RTN1: variants seen among roughly 807,000 people sequenced by gnomAD.
The protein encoded by RTN1 is reticulon 1.
RTN1 carries 25 observed loss-of-function variants against 65.5 expected under a neutral mutation model. The ratio of observed to expected loss-of-function variants is 0.38; its 90% CI spans 0.28 to 0.53. The LOEUF (loss-of-function observed/expected upper bound fraction) is 0.53. Among genes scored for constraint, RTN1 ranks in the 20% least tolerant of loss-of-function variants. RTN1 has a pLI of 0.79. For missense variants in RTN1, 983 were observed against 1,025.4 expected (o/e 0.96, Z 0.57); for synonymous variants, 471 against 447.6 (o/e 1.05, Z -0.66).
intron 1 of RTN1, among the ~76,000 whole-genome samples, chr14:59,750,864 C>G (rs999961587): frequency 6.8e-6 from 1 of 147,690 alleles, no homozygotes; most frequent in Non-Finnish European, 1.5e-5. Flanking sequence ...CAGGCATGCA[C>G]CAGCATGACT....
chr14:59,726,721 G>A (rs534735910), intron 3 of RTN1, among the ~76,000 whole-genome samples, 198 bp downstream of exon 3: 23 of 152,120 alleles, frequency 1.5e-4, no homozygotes, highest in Non-Finnish European at 2.9e-4. Context: ...CTGAGCACGC[G>A]GTTCTGCCAC....
intron 1 of RTN1, among the ~76,000 whole-genome samples, chr14:59,822,523 G>A (rs557663174): frequency 6.6e-6 from 1 of 152,236 alleles, no homozygotes; most frequent in South Asian, 2.1e-4. Flanking sequence ...GTTCTGCTCT[G>A]ACTTTGGTTA....
At chr14:59,858,472 G>GTTT (rs71111672) in intron 1 of RTN1, among the ~76,000 whole-genome samples, 3 of 143,304 alleles carry the variant, frequency 2.1e-5, no homozygotes, top group Non-Finnish European at 4.6e-5. Context: ...TTCAAGAGTA[G>GTTT]TTTTTTTTTT....
chr14:59,749,160 C>CTATCTATCTA (rs1885304562), intron 1 of RTN1, among the ~76,000 whole-genome samples: 1 of 55,246 alleles, frequency 1.8e-5, no homozygotes, highest in Admixed American at 2.4e-4. Context: ...CTATCTATAT[C>CTATCTATCTA]TATCTATATA....
intron 3 of RTN1, among the ~76,000 whole-genome samples, chr14:59,702,884 A>C (rs1320253283): frequency 6.6e-6 from 1 of 151,980 alleles, no homozygotes; most frequent in Non-Finnish European, 1.5e-5. Context: ...CCTCCTTTCC[A>C]ATGACTCTCC....
chr14:59,762,034 C>T (rs1053060051), intron 1 of RTN1, among the ~76,000 whole-genome samples: 8 of 151,914 alleles, frequency 5.3e-5, no homozygotes, highest in African/African-American at 1.2e-4. Context: ...TATGGCATGC[C>T]GTGGTGTGGC....
At chr14:59,749,398 A>C (rs1298794880) in intron 1 of RTN1, among the ~76,000 whole-genome samples, 6 of 70,760 alleles carry the variant, frequency 8.5e-5, no homozygotes, top group Non-Finnish European at 1.3e-4. Flanking sequence ...ATATATCTAT[A>C]TATATCTATA....
intron 1 of RTN1, among the ~76,000 whole-genome samples, chr14:59,770,378 CAAA>C (rs774086177): frequency 2.8e-3 from 149 of 53,726 alleles, no homozygotes; most frequent in Non-Finnish European, 3.7e-3. Flanking sequence ...AACTCTGCCT[CAAA>C]AAAAAAAAAA....
chr14:59,808,567 A>G (rs1594751328), intron 1 of RTN1, among the ~76,000 whole-genome samples: 3 of 152,150 alleles, frequency 2.0e-5, no homozygotes, highest in Non-Finnish European at 4.4e-5. Flanking sequence ...CAGGGCTAGG[A>G]ACTCTGAAGA....
At chr14:59,663,974 C>G (rs1017786885) in intron 3 of RTN1, among the ~76,000 whole-genome samples, 1 of 152,074 alleles carries the variant, frequency 6.6e-6, no homozygotes, top group Non-Finnish European at 1.5e-5. Context: ...TGAGTATATA[C>G]CCAAAGGATT....
At chr14:59,745,120 A>G (rs1271968736) in intron 2 of RTN1, among the ~76,000 whole-genome samples, 1 of 152,156 alleles carries the variant, frequency 6.6e-6, no homozygotes, top group Non-Finnish European at 1.5e-5. Flanking sequence ...TGAGCATAGC[A>G]TGTTAGCATG....
rs575433658 is a variant in RTN1 at position 59,662,173 on chromosome 14, T to A, written c.1766-54681A>T. ...CCAGCTTTCTTTTTTCTTTTTTTTT[T>A]ATTATACTTTAAGTTCTAGGGTACA... On this transcript the variant is annotated intron_variant, in intron 3 of 8. Coordinates refer to ENST00000267484, the MANE Select transcript of RTN1 (RefSeq NM_021136.3). 1.1e-4 allele frequency among the ~76,000 whole-genome samples: 17 copies of A among 151,366 alleles called. No homozygotes were observed. The South Asian group carries it at 1.7e-3, about 15-fold the overall frequency.
At position 59,836,672 on chromosome 14, in the gene RTN1, G is replaced by A. The variant is rs919565044; in HGVS notation, c.241+33718C>T. ...AATCCAGAATGACAGGGCAAAGGGT[G>A]TGTTGGGGAGTAGTGAGAGAGAAGG... On this transcript the variant is annotated intron_variant, in intron 1 of 8. Coordinates refer to ENST00000267484, the MANE Select transcript of RTN1 (RefSeq NM_021136.3). The surrounding 1 kb of genome is among the most constrained non-coding windows in gnomAD (Gnocchi z 4.9). Among the ~76,000 whole-genome samples the A allele has an allele frequency of 6.6e-6, 1 of 152,164 alleles. No individual in the cohort carries two copies. Among genetic ancestry groups the A allele is most frequent in the Non-Finnish European group, 1.5e-5 (1 of 68,024 alleles).
chr14:59,716,743 G>A (rs931321083), intron 3 of RTN1, among the ~76,000 whole-genome samples: 13 of 151,430 alleles, frequency 8.6e-5, no homozygotes, highest in African/African-American at 2.9e-4. Context: ...GGATCACGAG[G>A]TCAGGAGATC....
intron 3 of RTN1, among the ~76,000 whole-genome samples, chr14:59,652,764 C>T (rs754678562): frequency 1.2e-4 from 18 of 151,864 alleles, no homozygotes; most frequent in Non-Finnish European, 2.6e-4. Context: ...GTAAGATAAG[C>T]TTAGCTATAT....
At position 59,749,318 on chromosome 14, in the gene RTN1, A is replaced by C. The variant is rs866320489; in HGVS notation, c.242-2837T>G. On this transcript the variant is annotated intron_variant, in intron 1 of 8. Coordinates refer to ENST00000267484, the MANE Select transcript of RTN1 (RefSeq NM_021136.3). The stretch of plus-strand genomic sequence containing the variant: ...TATATCTATATATATCTATATATAT[A>C]TCTATATATCTATATATATCTATAT... 2.7e-4 allele frequency among the ~76,000 whole-genome samples: 15 copies of C among 54,794 alleles called. 3 individuals are homozygous for C. Among genetic ancestry groups the C allele is most frequent in the East Asian group, 2.3e-3 (5 of 2,160 alleles). The allele number at this position is 54,794 out of a possible 152,430, so 35.9% of individuals were successfully genotyped here.
intron 1 of RTN1, among the ~76,000 whole-genome samples, chr14:59,750,236 ATATT>A (rs1277879686): frequency 1.0e-3 from 76 of 75,530 alleles, no homozygotes; most frequent in Middle Eastern, 0.015. Context: ...TATAATATAT[ATATT>A]ATATCTATAA....
rs1200861724 is a variant in RTN1, at chr14:59,668,688, T to A, written c.1765+58231A>T. Among the ~76,000 whole-genome samples the A allele has an allele frequency of 2.0e-5, 3 of 152,066 alleles. No individual in the cohort carries two copies. In the East Asian group the frequency reaches 5.8e-4, roughly 29 times the overall value. ...GGCAACCTACAGAATCGGAGAAAAT[T>A]TTTGCAATCTACCCATCTGACAAAG... On this transcript the variant is annotated intron_variant, in intron 3 of 8. Transcript: ENST00000267484.
chr14:59,859,167 TAA>T (rs1229415551), intron 1 of RTN1, among the ~76,000 whole-genome samples: 2 of 152,242 alleles, frequency 1.3e-5, no homozygotes, highest in South Asian at 2.1e-4. Flanking sequence ...GGAATAATTT[TAA>T]AATAATGATA....
Sources: allele counts gnomAD v4.1 joint callset (sites outside exome capture counted in the v4.1 genomes callset), GRCh38; gene constraint gnomAD v4.1.1; non-coding constraint Gnocchi (gnomAD v3.1); transcripts MANE v1.5; gene names NCBI Gene and HGNC (gene_info 2026-07-23, HGNC 2026-07-21).